SPECC1: variants seen among roughly 807,000 people sequenced by gnomAD.
The protein encoded by SPECC1 is sperm antigen with calponin homology and coiled-coil domains 1.
In SPECC1, 62 loss-of-function variants were observed where a neutral mutation model predicts 104.1. The observed-to-expected ratio is 0.60, with a 90% CI of 0.49 to 0.74. The LOEUF is 0.74. SPECC1 is among the 30% of genes least tolerant of loss of function. SPECC1 has a pLI of 0.00. For synonymous variants in SPECC1, 513 were observed against 501.6 expected (o/e 1.02, Z -0.30); for missense variants, 1,306 against 1,310.5 (o/e 1.00, Z 0.05).
intron 2 of SPECC1, among the ~76,000 whole-genome samples, chr17:20,099,614 G>C (rs1223713507): frequency 7.3e-6 from 1 of 137,722 alleles, no homozygotes; most frequent in Non-Finnish European, 1.5e-5. Context: ...AGAATTGCTT[G>C]AACCTGGGAG....
At chr17:20,030,445 CT>C (rs1400023571) in intron 1 of SPECC1, among the ~76,000 whole-genome samples, 1 of 151,510 alleles carries the variant, frequency 6.6e-6, no homozygotes, top group Non-Finnish European at 1.5e-5. Context: ...TTTAAGTTCC[CT>C]GTTATATTAC....
intron 13 of SPECC1, among the ~76,000 whole-genome samples, chr17:20,299,972 G>A (rs1410044168): frequency 6.6e-6 from 1 of 152,220 alleles, no homozygotes; most frequent in Non-Finnish European, 1.5e-5. Context: ...ACTGCCCACA[G>A]GGCAACCACC....
At chr17:20,111,455 G>A (rs928695977) in intron 3 of SPECC1, among the ~76,000 whole-genome samples, 2 of 152,066 alleles carry the variant, frequency 1.3e-5, no homozygotes, top group East Asian at 1.9e-4. Flanking sequence ...TCTATATAAT[G>A]GCTTTACCAT....
At chr17:20,116,566 A>G (rs2152530872) in intron 3 of SPECC1, among the ~76,000 whole-genome samples, 1 of 152,338 alleles carries the variant, frequency 6.6e-6, no homozygotes, top group Middle Eastern at 3.4e-3. Context: ...AAGTGAAAGC[A>G]TATATGTGAT....
Position 20,220,441 on chromosome 17 carries a change from G to A in SPECC1, c.1864-6972G>A, listed in dbSNP as rs78539715. Among the ~76,000 whole-genome samples the A allele has an allele frequency of 3.0e-3, 457 of 151,960 alleles. 2 individuals carry two copies. The highest frequency in any genetic ancestry group is 5.8e-3 in the African/African-American group (242 of 41,460). Reference sequence around the variant, plus strand: ...ATTCTACTCACAGCTACTATAAATGGGATTACTTTCTTGATTCCTTTTTCA... The same window carrying A: ...ATTCTACTCACAGCTACTATAAATGAGATTACTTTCTTGATTCCTTTTTCA... On this transcript the variant is annotated intron_variant, in intron 4 of 14. Transcript: ENST00000395527.
chr17:20,148,351 C>T (rs1196851037), intron 3 of SPECC1, among the ~76,000 whole-genome samples: 1 of 151,566 alleles, frequency 6.6e-6, no homozygotes, highest in Non-Finnish European at 1.5e-5. Context: ...GTGGTTCTCC[C>T]ACCTCAGCCT....
chr17:20,041,259 G>A (rs2045314440), intron 1 of SPECC1, among the ~76,000 whole-genome samples: 1 of 151,944 alleles, frequency 6.6e-6, no homozygotes, highest in Non-Finnish European at 1.5e-5. Context: ...TTTTGAGATG[G>A]AGTTTTGCTC....
intron 1 of SPECC1, among the ~76,000 whole-genome samples, chr17:20,013,771 G>T (rs2044023303): frequency 7.5e-6 from 1 of 133,054 alleles, no homozygotes; most frequent in South Asian, 2.1e-4. Context: ...CCAAAGTGCT[G>T]AGATTACAGG....
chr17:20,033,005 C>T (rs1712059826), intron 1 of SPECC1, among the ~76,000 whole-genome samples: 1 of 150,260 alleles, frequency 6.7e-6, no homozygotes, highest in South Asian at 2.1e-4. Context: ...CACTTTGTTG[C>T]CCAGGCTGGA....
intron 4 of SPECC1, among the ~76,000 whole-genome samples, chr17:20,210,539 G>A (rs2037071540): frequency 1.3e-5 from 2 of 152,356 alleles, no homozygotes; most frequent in African/African-American, 2.4e-5. Context: ...CATCTGATTG[G>A]TGAGAACTGC....
intron 1 of SPECC1, among the ~76,000 whole-genome samples, chr17:20,077,449 C>CT (rs939295547): frequency 4.6e-5 from 7 of 151,208 alleles, no homozygotes; most frequent in South Asian, 2.1e-4. Flanking sequence ...GCTTTTGTGG[C>CT]TTTTTTTTGT....
intron 1 of SPECC1, among the ~76,000 whole-genome samples, chr17:20,092,800 T>C (rs1004780133): frequency 8.5e-5 from 13 of 152,232 alleles, no homozygotes; most frequent in African/African-American, 2.9e-4. Flanking sequence ...CTCCATCTTA[T>C]TGGGTGAAGA....
intron 7 of SPECC1, among the ~76,000 whole-genome samples, chr17:20,240,616 C>G (rs997671351): frequency 5.9e-5 from 9 of 152,096 alleles, no homozygotes; most frequent in Admixed American, 3.9e-4. Context: ...TTTTCTCCCA[C>G]TGGGTAGCAC....
intron 14 of SPECC1, among the ~76,000 whole-genome samples, chr17:20,312,767 A>G (rs966158185): frequency 8.5e-5 from 13 of 152,200 alleles, no homozygotes; most frequent in African/African-American, 3.1e-4. Context: ...CCTGCACGGA[A>G]TGTTCTACCA....
chr17:20,185,796 A>G (rs1167360435), intron 3 of SPECC1, among the ~76,000 whole-genome samples: 1 of 152,136 alleles, frequency 6.6e-6, no homozygotes, highest in Non-Finnish European at 1.5e-5. Flanking sequence ...GTCTAGTGAT[A>G]ATCACAGGAG....
chr17:20,297,278 C>T (rs901069433), intron 13 of SPECC1, among the ~76,000 whole-genome samples: 1 of 152,202 alleles, frequency 6.6e-6, no homozygotes, highest in Non-Finnish European at 1.5e-5. Flanking sequence ...TCTCAGGAAT[C>T]TCAGCTTCAT....
intron 12 of SPECC1, among the ~76,000 whole-genome samples, chr17:20,274,975 G>C (rs2040529712): frequency 6.7e-6 from 1 of 149,626 alleles, no homozygotes. Context: ...TGAGATTCTT[G>C]TATTGTTTTG....
intron 3 of SPECC1, among the ~76,000 whole-genome samples, chr17:20,130,396 A>G (rs1374757104): frequency 6.6e-6 from 1 of 152,150 alleles, no homozygotes; most frequent in Non-Finnish European, 1.5e-5. Flanking sequence ...TTAGCTGGGT[A>G]TGGTGGTGCA....
At chr17:20,273,050 C>A (rs911550764) in intron 12 of SPECC1, among the ~76,000 whole-genome samples, 3 of 152,232 alleles carry the variant, frequency 2.0e-5, no homozygotes, top group Non-Finnish European at 4.4e-5. Flanking sequence ...GTTCCTGTGG[C>A]ATATCCATGA....
Sources: gnomAD v4.1 joint callset for allele counts (sites outside exome capture counted in the v4.1 genomes callset) on GRCh38, gnomAD v4.1.1 for gene constraint, MANE v1.5 for transcripts, NCBI Gene and HGNC (gene_info 2026-07-23, HGNC 2026-07-21) for gene names.